Variants in DCLRE1C observed in about 807,000 individuals in gnomAD.
The protein encoded by DCLRE1C is protein artemis.
Under a neutral mutation model 61.4 loss-of-function variants are expected in DCLRE1C, and 47 were observed. The ratio of observed to expected loss-of-function variants is 0.77; its 90% confidence interval spans 0.61 to 0.98. The LOEUF (loss-of-function observed/expected upper bound fraction) is 0.98. Ranked by LOEUF, DCLRE1C falls within the 50% of genes least tolerant of loss-of-function variation. The pLI is 0.00. For synonymous variants in DCLRE1C, 337 were observed against 287.6 expected (o/e 1.17, Z -1.74); for missense variants, 858 against 816.0 (o/e 1.05, Z -0.63).
intron 3 of DCLRE1C, among the ~76,000 whole-genome samples, chr10:14,944,841 A>C (rs886287589): frequency 6.6e-6 from 1 of 151,672 alleles, no homozygotes; most frequent in African/African-American, 2.4e-5. Flanking sequence ...CACCTGGCCA[A>C]ATTTTGTATT....
In DCLRE1C at chr10:14,908,482, A is replaced by G. The variant is rs562352011; in HGVS notation, c.2005T>C (p.Tyr669His). ...CCAGTTGCCAGCTTCTCATATAAAT[A>G]TTGTAAATGCTCTCGTTTAGGTAAC... is the stretch of plus-strand genomic sequence containing the variant. ...AELPKREHLQYLYEKLATGES... is the reference protein window; with the variant it reads ...AELPKREHLQHLYEKLATGES... Residue 669 changes from tyrosine (Y) to histidine (H), a missense_variant, in exon 14 of 14, where the codon TAT becomes CAT. Around this residue, in one of 2 missense-constraint regions of DCLRE1C, gnomAD observed 843 missense variants for 783.5 expected, o/e 1.08. Coordinates refer to ENST00000378278, the MANE Select transcript of DCLRE1C (RefSeq NM_001033855.3). 3 of 1,613,842 alleles carry G rather than the reference A, an allele frequency of 1.9e-6. No homozygotes were observed. Among genetic ancestry groups the G allele is most frequent in the African/African-American group, 1.3e-5 (1 of 74,872 alleles).
At chr10:14,927,916 AT>A (rs1326498492) in intron 10 of DCLRE1C, 99 bp downstream of exon 10, 8 of 931,602 alleles carry the variant, frequency 8.6e-6, no homozygotes, top group Non-Finnish European at 1.1e-5. Context: ...ATAATATATA[AT>A]TATATTCTTG....
At chr10:14,923,185 A>G (rs1226202781) in intron 11 of DCLRE1C, 116 bp from the exon 12 acceptor site, 7 of 801,526 alleles carry the variant, frequency 8.7e-6, no homozygotes, top group Non-Finnish European at 1.5e-5. Flanking sequence ...GTGGTTCTCA[A>G]TGCTGGCTGC....
At chr10:14,902,942 T>C (rs1834121913), downstream of DCLRE1C, 2 of 153,340 alleles carry the variant, frequency 1.3e-5, no homozygotes, top group Admixed American at 1.3e-4. Flanking sequence ...TTTGCTACTC[T>C]ATTGTCATTC....
At chr10:14,933,955 A>G (rs1278673940) in intron 8 of DCLRE1C, among the ~76,000 whole-genome samples, 1 of 152,122 alleles carries the variant, frequency 6.6e-6, no homozygotes, top group Non-Finnish European at 1.5e-5. Context: ...GGGTGCTTCC[A>G]TCTGTCCCTG....
chr10:14,911,219 C>CCAA (rs981202690), intron 13 of DCLRE1C: 2 of 152,132 alleles, frequency 1.3e-5, no homozygotes, highest in Admixed American at 6.5e-5. Context: ...TGTCCTGGTC[C>CCAA]CAACAGCCAG....
chr10:14,940,285 C>CT (rs1467655165), intron 3 of DCLRE1C, among the ~76,000 whole-genome samples: 16 of 103,214 alleles, frequency 1.6e-4, no homozygotes, highest in African/African-American at 3.9e-4. Context: ...ATACACGGTT[C>CT]TTTTATTTTT....
At chr10:14,950,357 C>CAAAAAAAAAAAAAAAAAAAAAACA (rs1196056427) in intron 1 of DCLRE1C, among the ~76,000 whole-genome samples, 1 of 71,276 alleles carries the variant, frequency 1.4e-5, no homozygotes, top group South Asian at 4.7e-4. Context: ...AAATAATAAC[C>CAAAAAAAAAAAAAAAAAAAAAACA]AAAAAAAAAA....
downstream of DCLRE1C, among the ~76,000 whole-genome samples, chr10:14,901,839 CTA>C (rs1423840693): frequency 1.3e-5 from 2 of 151,838 alleles, no homozygotes; most frequent in African/African-American, 4.8e-5. Context: ...AAAAAAAAAA[CTA>C]TAAGCCTACA....
chr10:14,928,248 C>T, intron 9 of DCLRE1C, 96 bp from the exon 10 acceptor site: 3 of 1,083,812 alleles, frequency 2.8e-6, no homozygotes, highest in Non-Finnish European at 4.0e-6. Context: ...AGTTTCCAGA[C>T]ACGAAAAAAT....
chr10:14,949,460 A>G (rs1382554978), intron 1 of DCLRE1C, among the ~76,000 whole-genome samples: 1 of 152,198 alleles, frequency 6.6e-6, no homozygotes, highest in Non-Finnish European at 1.5e-5. Context: ...ACTTTCTGCC[A>G]CTTAAATCAG....
chr10:14,954,180 T>C, upstream of DCLRE1C: 1 of 1,171,768 alleles, frequency 8.5e-7, no homozygotes, highest in African/African-American at 1.5e-5. Context: ...TCAAGGAGCA[T>C]CCGGTCGGGT....
At chr10:14,920,612 A>C (rs1229606244) in intron 12 of DCLRE1C, among the ~76,000 whole-genome samples, 1 of 152,086 alleles carries the variant, frequency 6.6e-6, no homozygotes, top group Admixed American at 6.6e-5. Context: ...ACATCATTTC[A>C]GCTATTCTCC....
chr10:14,928,022 A>G lies in DCLRE1C; in HGVS notation c.911T>C (p.Ile304Thr). ...FGERSRKTNV[I>T]VRTGESSYRA... ...TATGATATTGCTCTCTTACCTCACA[A>G]TTACATTTGTTTTTCTGCTCCTTTC... The change falls in exon 10 of 14, where the codon ATT becomes ACT. Residue 304 changes from isoleucine to threonine, a missense_variant. Ile to Thr is a moderately conservative substitution (Grantham distance 89, BLOSUM62 -1). Coordinates refer to ENST00000378278, the MANE Select transcript of DCLRE1C (RefSeq NM_001033855.3). The G allele has an allele frequency of 2.5e-6, 4 of 1,613,760 alleles. No homozygotes were observed. The highest frequency in any genetic ancestry group is 1.7e-4 in the Middle Eastern group (1 of 6,058).
chr10:14,910,900 T>C (rs1008493248), intron 13 of DCLRE1C, among the ~76,000 whole-genome samples: 10 of 152,268 alleles, frequency 6.6e-5, no homozygotes, highest in Non-Finnish European at 1.3e-4. Context: ...AGTCCTATGA[T>C]TGCCTGACTC....
intron 9 of DCLRE1C, among the ~76,000 whole-genome samples, chr10:14,931,394 C>T (rs1838963355): frequency 6.6e-6 from 1 of 151,942 alleles, no homozygotes; most frequent in Non-Finnish European, 1.5e-5. Context: ...CCTGTCTCTA[C>T]TAAAAATACA....
downstream of DCLRE1C, chr10:14,903,849 T>C (rs1478886014): frequency 6.6e-6 from 1 of 152,212 alleles, no homozygotes; most frequent in Non-Finnish European, 1.5e-5. Context: ...TTGGATAAAA[T>C]TGAACCAACT....
At chr10:14,944,845 T>C (rs1006046104) in intron 3 of DCLRE1C, among the ~76,000 whole-genome samples, 1 of 151,844 alleles carries the variant, frequency 6.6e-6, no homozygotes, top group Admixed American at 6.6e-5. Flanking sequence ...TGGCCAAATT[T>C]TGTATTTTTA....
chr10:14,902,374 T>C, downstream of DCLRE1C: 1 of 1,441,588 alleles, frequency 6.9e-7, no homozygotes, highest in Non-Finnish European at 9.5e-7. Context: ...CTTAACTCTC[T>C]TTCTCCTATA....
Sources: gnomAD v4.1 joint callset for allele counts (sites outside exome capture counted in the v4.1 genomes callset) on GRCh38, gnomAD v4.1.1 for gene constraint, gnomAD v4.1.1 regional missense constraint, MANE v1.5 for transcripts, NCBI Gene and HGNC (gene_info 2026-07-23, HGNC 2026-07-21) for gene names.